Variants in PIGK observed in about 807,000 individuals in gnomAD.
PIGK encodes GPI-anchor transamidase.
Under a neutral mutation model 50.6 loss-of-function variants are expected in PIGK, and 42 were observed. The ratio of observed to expected loss-of-function variants is 0.83; its 90% CI spans 0.65 to 1.07. The LOEUF (loss-of-function observed/expected upper bound fraction) is 1.07. Among genes scored for constraint, PIGK ranks in the 50% least tolerant of loss-of-function variants. The pLI is 0.00. For synonymous variants in PIGK, 151 were observed against 156.0 expected (o/e 0.97, Z 0.24); for missense variants, 448 against 488.7 (o/e 0.92, Z 0.78).
chr1:77,133,424 CAT>C (rs1654425207), intron 9 of PIGK, among the ~76,000 whole-genome samples: 1 of 152,080 alleles, frequency 6.6e-6, no homozygotes, highest in South Asian at 2.1e-4. Context: ...ACATCTTAAA[CAT>C]AGTTATTTTA....
At chr1:77,150,489 C>CAAAA (rs541372066) in intron 9 of PIGK, among the ~76,000 whole-genome samples, 1 of 86,064 alleles carries the variant, frequency 1.2e-5, no homozygotes, top group Admixed American at 1.2e-4. Context: ...GACTCAATCT[C>CAAAA]AAAAAAAAAA....
At chr1:77,153,245 A>G (rs1396436468) in intron 9 of PIGK, among the ~76,000 whole-genome samples, 1 of 152,176 alleles carries the variant, frequency 6.6e-6, no homozygotes, top group Non-Finnish European at 1.5e-5. Flanking sequence ...GTTAAGTGAA[A>G]TATGCCAGGC....
chr1:77,189,965 A>C (rs2100575160), intron 3 of PIGK, among the ~76,000 whole-genome samples: 1 of 151,994 alleles, frequency 6.6e-6, no homozygotes, highest in African/African-American at 2.4e-5. Context: ...ATGTGATGGA[A>C]GCACACACAT....
At chr1:77,165,881 A>T (rs1655222837) in intron 5 of PIGK, among the ~76,000 whole-genome samples, 1 of 152,172 alleles carries the variant, frequency 6.6e-6, no homozygotes, top group Non-Finnish European at 1.5e-5. Context: ...TGTAAACTAC[A>T]ACTGTCCCAG....
rs1653295658 is a variant in PIGK at position 77,091,430 on chromosome 1, G to A, written c.*944C>T. 6.6e-6 allele frequency: 1 copy of A among 152,154 alleles called. No individual in the cohort carries two copies. The highest frequency in any genetic ancestry group is 6.5e-5 in the Admixed American group (1 of 15,270). 9.4% of individuals were successfully genotyped at this position (152,154 alleles called of 1,614,324 possible). On this transcript the variant is annotated 3_prime_UTR_variant, in exon 11 of 11. Transcript: ENST00000370812. ...TCCACTTTATGGGATTTTTCTCAAGGAAAGTATAGATACAGCCAGTGGGCA... is the reference window on the plus strand; with the variant it reads ...TCCACTTTATGGGATTTTTCTCAAGAAAAGTATAGATACAGCCAGTGGGCA...
rs984490694 is a variant in PIGK at position 77,131,227 on chromosome 1, A to C, written c.987-8868T>G. On this transcript the variant is annotated intron_variant, in intron 9 of 10. Transcript: ENST00000370812. ...CACATGCATATATCTATTATATATA[A>C]ATAATATAGGAATATATACTATTGA... Among the ~76,000 whole-genome samples, 3 of 151,736 alleles carry C rather than the reference A, an allele frequency of 2.0e-5. No individual in the cohort carries two copies. In the East Asian group the frequency reaches 5.8e-4, roughly 29 times the overall value.
At chr1:77,176,542 T>C (rs1655493621) in intron 3 of PIGK, among the ~76,000 whole-genome samples, 1 of 152,196 alleles carries the variant, frequency 6.6e-6, no homozygotes, top group Admixed American at 6.5e-5. Flanking sequence ...CTATGACTAT[T>C]TAAAGTCACT....
chr1:77,196,591 GT>G (rs1049388934), intron 3 of PIGK, among the ~76,000 whole-genome samples: 1 of 151,918 alleles, frequency 6.6e-6, no homozygotes, highest in Admixed American at 6.6e-5. Context: ...ACCTTTTCAT[GT>G]TTTTTGGCCG....
intron 10 of PIGK, among the ~76,000 whole-genome samples, chr1:77,100,474 G>A (rs1236965471): frequency 6.6e-6 from 1 of 152,124 alleles, no homozygotes; most frequent in Non-Finnish European, 1.5e-5. Flanking sequence ...CCCTCAACCT[G>A]GGATAAATGC....
At chr1:77,184,441 T>C (rs1212740991) in intron 3 of PIGK, among the ~76,000 whole-genome samples, 2 of 152,156 alleles carry the variant, frequency 1.3e-5, no homozygotes, top group Non-Finnish European at 2.9e-5. Flanking sequence ...CAACAGCTTA[T>C]GCAGTGAATC....
chr1:77,159,659 CA>C (rs1227485276), intron 8 of PIGK, among the ~76,000 whole-genome samples: 2 of 152,202 alleles, frequency 1.3e-5, no homozygotes, highest in Non-Finnish European at 2.9e-5. Flanking sequence ...CAAAGGAGAT[CA>C]TTTTGGAACT....
intron 5 of PIGK, among the ~76,000 whole-genome samples, chr1:77,165,708 C>T (rs974270133): frequency 2.6e-5 from 4 of 151,692 alleles, no homozygotes; most frequent in African/African-American, 9.7e-5. Context: ...AAGTTAAATG[C>T]TATGAAAGAA....
In PIGK at chr1:77,090,829, T is replaced by TAA. The variant is rs1474546341; in HGVS notation, c.*1543_*1544dup. On this transcript the variant is annotated 3_prime_UTR_variant, in exon 11 of 11. Coordinates refer to ENST00000370812, the MANE Select transcript of PIGK (RefSeq NM_005482.3). The stretch of plus-strand genomic sequence containing the variant: ...ACAAAATTTTTCTTCCTCATTTATA[T>TAA]AACACATCAATAAAAAGATCAATTA... 1 of 152,166 alleles carries TAA rather than the reference T, an allele frequency of 6.6e-6. No homozygotes were observed. The highest frequency in any genetic ancestry group is 1.5e-5 in the Non-Finnish European group (1 of 68,014). The allele number at this position is 152,166 out of a possible 1,614,324, so 9.4% of individuals were successfully genotyped here. A position where few individuals can be genotyped will look rare whatever the true frequency, so the allele number is the denominator to read the frequency against.
intron 3 of PIGK, chr1:77,195,058 G>A (rs1032263224): frequency 1.4e-5 from 13 of 904,334 alleles, no homozygotes; most frequent in Non-Finnish European, 2.1e-5. Context: ...AGACCTGGCT[G>A]TGCACACTGC....
At chr1:77,093,588 A>G (rs1193020889) in intron 10 of PIGK, among the ~76,000 whole-genome samples, 2 of 152,160 alleles carry the variant, frequency 1.3e-5, no homozygotes, top group African/African-American at 4.8e-5. Context: ...TTGAATCATA[A>G]TTCTAGAGTT....
At chr1:77,163,108 A>G (rs1229142393) in intron 6 of PIGK, among the ~76,000 whole-genome samples, 3 of 152,224 alleles carry the variant, frequency 2.0e-5, no homozygotes, top group Admixed American at 6.5e-5. Flanking sequence ...TAAGCTATGA[A>G]TAAGACATAA....
At position 77,092,345 on chromosome 1, in the gene PIGK, C is replaced by T; in HGVS notation, c.*29G>A. 1.1e-6 allele frequency: 1 copy of T among 926,802 alleles called. No homozygotes were observed. The highest frequency in any genetic ancestry group is 1.7e-6 in the Non-Finnish European group (1 of 589,130). The allele number at this position is 926,802 out of a possible 1,614,324, so 57.4% of individuals were successfully genotyped here. On this transcript the variant is annotated 3_prime_UTR_variant, in exon 11 of 11. Transcript: ENST00000370812. ...TAAATTATTATCCAAGTTTGCAGTCCTCCATGCATTCTTCATTCATCATCA... is the reference window on the plus strand; with the variant it reads ...TAAATTATTATCCAAGTTTGCAGTCTTCCATGCATTCTTCATTCATCATCA...
intron 9 of PIGK, among the ~76,000 whole-genome samples, chr1:77,148,144 T>C (rs550704089): frequency 1.3e-5 from 2 of 152,324 alleles, no homozygotes; most frequent in African/African-American, 4.8e-5. Flanking sequence ...TATAATTTCC[T>C]TAATAAAATA....
chr1:77,129,305 T>C (rs746574742), intron 9 of PIGK: 71 of 1,598,660 alleles, frequency 4.4e-5, no homozygotes, highest in Non-Finnish European at 5.9e-5. Flanking sequence ...GACGTTACAA[T>C]GGTGGAGTTG....
Sources: gnomAD v4.1 joint callset for allele counts (sites outside exome capture counted in the v4.1 genomes callset) on GRCh38, gnomAD v4.1.1 for gene constraint, MANE v1.5 for transcripts, NCBI Gene and HGNC (gene_info 2026-07-23, HGNC 2026-07-21) for gene names.